Variants in SLC16A3 observed in about 807,000 individuals in gnomAD.
SLC16A3 encodes monocarboxylate transporter 4.
Under a neutral mutation model 25.0 loss-of-function variants are expected in SLC16A3, and 22 were observed. That is an observed-to-expected ratio of 0.88 (90% CI 0.63 to 1.26). The LOEUF (loss-of-function observed/expected upper bound fraction) is 1.26. Ranked by LOEUF, SLC16A3 falls within the 50% of genes most tolerant of loss-of-function variation. The pLI is 0.00. For synonymous variants in SLC16A3, 390 were observed against 309.2 expected, an observed-to-expected ratio of 1.26 and a Z score of -2.74; for missense variants, 731 against 666.6, an observed-to-expected ratio of 1.10 and a Z score of -1.06.
upstream of SLC16A3, among the ~76,000 whole-genome samples, chr17:82,224,052 G>C: frequency 7.5e-6 from 1 of 134,074 alleles, no homozygotes; most frequent in South Asian, 2.5e-4. Flanking sequence ...CTACACCCGT[G>C]CAGACACACC....
At chr17:82,236,967 G>T in intron 3 of SLC16A3, 95 bp downstream of exon 3, 1 of 1,523,104 alleles carries the variant, frequency 6.6e-7, no homozygotes, top group Non-Finnish European at 8.9e-7. Flanking sequence ...ACAGCAGGGC[G>T]GGTGGCTGCG....
chr17:82,239,104 G>C lies in SLC16A3; in HGVS notation c.*128G>C, dbSNP rs758976424. On this transcript the variant is annotated 3_prime_UTR_variant, in exon 5 of 5. Coordinates refer to ENST00000582743, the MANE Select transcript of SLC16A3 (RefSeq NM_004207.4). ...GCTCCAGCTGCCGGCCCAGCGGATC[G>C]TCGCCCGATCAGTGTTTTGAGGGGG... 1 of 898,812 alleles carries C rather than the reference G, an allele frequency of 1.1e-6. No individual in the cohort carries two copies. Among genetic ancestry groups the C allele is most frequent in the Non-Finnish European group, 1.6e-6 (1 of 618,428 alleles). 55.7% of individuals were successfully genotyped at this position (898,812 alleles called of 1,614,324 possible).
chr17:82,222,354 G>A (rs1042855955), intron 1 of SLC16A3, among the ~76,000 whole-genome samples: 3 of 152,238 alleles, frequency 2.0e-5, no homozygotes, highest in Admixed American at 6.5e-5. Flanking sequence ...AAAGAGAAAC[G>A]AAGACATCTG....
intron 1 of SLC16A3, among the ~76,000 whole-genome samples, chr17:82,222,058 G>A (rs560546521): frequency 5.3e-5 from 8 of 151,240 alleles, no homozygotes; most frequent in African/African-American, 1.9e-4. Context: ...CCACGTTCGT[G>A]GACAGGAGCC....
chr17:82,235,954 A>G (rs1599558157), intron 1 of SLC16A3, 29 bp from the exon 2 acceptor site: 2 of 1,474,290 alleles, frequency 1.4e-6, no homozygotes, highest in East Asian at 2.4e-5. Flanking sequence ...TCACCCGGGC[A>G]GCCTGAGTCA....
chr17:82,234,959 G>T (rs538030726), intron 1 of SLC16A3: 4 of 152,286 alleles, frequency 2.6e-5, no homozygotes, highest in African/African-American at 9.6e-5. Flanking sequence ...AGGCTGAGCC[G>T]GTTGGACTAG....
intron 1 of SLC16A3, chr17:82,230,961 C>T (rs2050484872): frequency 6.6e-6 from 1 of 152,218 alleles, no homozygotes; most frequent in African/African-American, 2.4e-5. Flanking sequence ...CCCACCTCTG[C>T]AGCAAGTGGA....
At chr17:82,222,124 GGA>G (rs2050392614) in intron 1 of SLC16A3, among the ~76,000 whole-genome samples, 3 of 147,442 alleles carry the variant, frequency 2.0e-5, no homozygotes, top group African/African-American at 7.7e-5. Flanking sequence ...CGTCGCCCTG[GGA>G]CCCCCAACTC....
intron 1 of SLC16A3, chr17:82,234,071 A>C (rs553202955): frequency 6.6e-6 from 1 of 151,940 alleles, no homozygotes; most frequent in Non-Finnish European, 1.5e-5. Flanking sequence ...CGATCTCCTG[A>C]CCTCGTGATC....
chr17:82,235,683 G>C (rs754800502), intron 1 of SLC16A3: 3 of 436,898 alleles, frequency 6.9e-6, no homozygotes, highest in Non-Finnish European at 1.3e-5. Flanking sequence ...TGTTCCTGTC[G>C]GGGGCTGCTT....
chr17:82,236,832 G>A lies in SLC16A3; in HGVS notation c.327G>A (p.Arg109=). 2 of 1,607,644 alleles carry A rather than the reference G, an allele frequency of 1.2e-6. No individual in the cohort carries two copies. The highest frequency in any genetic ancestry group is 1.7e-6 in the Non-Finnish European group (2 of 1,179,856). ...SLGMVAASFC[R]SIIQVYLTTG... ...GCATGGTGGCTGCGTCCTTTTGCCG[G>A]AGCATCATCCAGGTCTACCTCACCA... The change falls in exon 3 of 5, where the codon CGG becomes CGA. Residue 109 remains arginine, a synonymous_variant. Coordinates refer to ENST00000582743, the MANE Select transcript of SLC16A3 (RefSeq NM_004207.4).
In SLC16A3 at chr17:82,236,030, G is replaced by A. The variant is rs1392799619; in HGVS notation, c.22G>A (p.Glu8Lys). 4.3e-6 allele frequency: 7 copies of A among 1,612,140 alleles called. No individual in the cohort carries two copies. Among genetic ancestry groups the A allele is most frequent in the South Asian group, 3.3e-5 (3 of 91,068 alleles). MGGAVVD[E>K]GPTGVKAPDG... ...GGCCATGGGAGGGGCCGTGGTGGAC[G>A]AGGGCCCCACAGGCGTCAAGGCCCC... is the stretch of plus-strand genomic sequence containing the variant. The change falls in exon 2 of 5, where the codon GAG becomes AAG. Residue 8 changes from glutamate to lysine, a missense_variant. Coordinates refer to ENST00000582743, the MANE Select transcript of SLC16A3 (RefSeq NM_004207.4).
At chr17:82,227,575 CACCA>C (rs1568531509), upstream of SLC16A3, among the ~76,000 whole-genome samples, 1 of 143,152 alleles carries the variant, frequency 7.0e-6, no homozygotes, top group African/African-American at 2.5e-5. Context: ...AAGATGGGAG[CACCA>C]CCTGCCCTGG....
chr17:82,223,948 A>G (rs1019077052), upstream of SLC16A3, among the ~76,000 whole-genome samples: 5 of 151,874 alleles, frequency 3.3e-5, no homozygotes, highest in Admixed American at 3.3e-4. Context: ...CAGACCATGC[A>G]CACCTACACC....
chr17:82,236,634 G>C, intron 2 of SLC16A3, 95 bp from the exon 3 acceptor site: 1 of 1,521,650 alleles, frequency 6.6e-7, no homozygotes, highest in Non-Finnish European at 8.8e-7. Flanking sequence ...GGGTGGTGTG[G>C]GAAGGGGAGG....
At chr17:82,233,258 T>A (rs922204747) in intron 1 of SLC16A3, among the ~76,000 whole-genome samples, 2 of 152,194 alleles carry the variant, frequency 1.3e-5, no homozygotes, top group Non-Finnish European at 2.9e-5. Flanking sequence ...CACCACAGGC[T>A]GGGTGAGGAC....
intron 1 of SLC16A3, chr17:82,232,041 G>A (rs2050505017): frequency 6.6e-6 from 1 of 152,258 alleles, no homozygotes; most frequent in East Asian, 1.9e-4. Flanking sequence ...GGAACTGAGG[G>A]AGGCCCCTCC....
intron 1 of SLC16A3, among the ~76,000 whole-genome samples, chr17:82,233,515 G>A (rs555544908): frequency 2.0e-4 from 30 of 152,144 alleles, no homozygotes; most frequent in Admixed American, 4.6e-4. Context: ...ACACGCCCTC[G>A]TCTGTCTCCT....
chr17:82,231,122 A>C (rs1036816319), intron 1 of SLC16A3: 2 of 151,992 alleles, frequency 1.3e-5, no homozygotes, highest in African/African-American at 4.8e-5. Context: ...TGGCGCGGTC[A>C]CGTCCCCCAC....
Sources: allele counts gnomAD v4.1 joint callset (sites outside exome capture counted in the v4.1 genomes callset), GRCh38; gene constraint gnomAD v4.1.1; transcripts MANE v1.5; gene names NCBI Gene and HGNC (gene_info 2026-07-23, HGNC 2026-07-21).